MAGI1: variants seen among roughly 807,000 people sequenced by gnomAD.
The protein encoded by MAGI1 is membrane associated guanylate kinase, WW and PDZ domain containing 1.
MAGI1 carries 58 observed loss-of-function variants against 139.9 expected under a neutral mutation model. The ratio of observed to expected loss-of-function variants is 0.41; its 90% CI spans 0.34 to 0.52. The LOEUF (loss-of-function observed/expected upper bound fraction) is 0.52, where lower values mean the gene tolerates loss of function less well. MAGI1 is among the 20% of genes least tolerant of loss of function. The pLI is 0.12. For synonymous variants in MAGI1, 812 were observed against 737.9 expected (o/e 1.10, Z -1.63); for missense variants, 1,874 against 1,901.6 (o/e 0.99, Z 0.27).
rs116829738 is a variant in MAGI1, at chr3:65,894,440, G to T, written c.313+143556C>A. Among the ~76,000 whole-genome samples the T allele has an allele frequency of 5.4e-3, 818 of 152,198 alleles. 8 individuals are homozygous for T. Among genetic ancestry groups the T allele is most frequent in the African/African-American group, 0.014 (571 of 41,536 alleles). On this transcript the variant is annotated intron_variant, in intron 1 of 22. Transcript: ENST00000402939. The stretch of plus-strand genomic sequence containing the variant: ...CATCTTTTAAAAATAATAATAAAGT[G>T]AACCATTCCACCAAAAATATGCTAA...
At chr3:65,936,607 C>G (rs1445155320) in intron 1 of MAGI1, among the ~76,000 whole-genome samples, 1 of 151,064 alleles carries the variant, frequency 6.6e-6, no homozygotes, top group African/African-American at 2.4e-5. Context: ...AAAAAAAAAT[C>G]TTATGTAGAT....
At chr3:65,478,179 T>A (rs934186551) in intron 4 of MAGI1, among the ~76,000 whole-genome samples, 45 of 152,038 alleles carry the variant, frequency 3.0e-4, no homozygotes, top group Non-Finnish European at 7.3e-5. Flanking sequence ...CAACTGACAT[T>A]AAACTGATAA....
intron 2 of MAGI1, among the ~76,000 whole-genome samples, chr3:65,573,438 T>C (rs2081045180): frequency 6.6e-6 from 1 of 152,004 alleles, no homozygotes; most frequent in Admixed American, 6.6e-5. Flanking sequence ...TTTATCACAC[T>C]AATAAATTAT....
intron 1 of MAGI1, among the ~76,000 whole-genome samples, chr3:65,819,111 C>T (rs1363152946): frequency 2.6e-5 from 4 of 151,958 alleles, no homozygotes; most frequent in Non-Finnish European, 5.9e-5. Context: ...ATGGTGAAAC[C>T]CCATCTCTAT....
chr3:65,655,295 T>C (rs17073283), intron 1 of MAGI1, among the ~76,000 whole-genome samples: 2,664 of 152,056 alleles, frequency 0.018, 78 homozygotes, highest in African/African-American at 0.061. Context: ...TGTAAACCCA[T>C]AAAGGCTCAA....
At chr3:65,395,284 T>C (rs9817091) in intron 13 of MAGI1, among the ~76,000 whole-genome samples, 3 of 151,968 alleles carry the variant, frequency 2.0e-5, no homozygotes, top group Admixed American at 1.3e-4. Flanking sequence ...AATCTATTGA[T>C]AGCAACACAC....
rs115461927 is a variant in MAGI1 at position 65,835,140 on chromosome 3, T to C, written c.313+202856A>G. On this transcript the variant is annotated intron_variant, in intron 1 of 22. Transcript: ENST00000402939. Reference sequence around the variant, plus strand: ...TATTCTATTTTTTGTTTTCTGTTTCTTCTCTGTTTCTCTTTTCTCCAATTT... The same window carrying C: ...TATTCTATTTTTTGTTTTCTGTTTCCTCTCTGTTTCTCTTTTCTCCAATTT... Among the ~76,000 whole-genome samples, 457 of 152,324 alleles carry C rather than the reference T, an allele frequency of 3.0e-3. 3 individuals carry two copies. Among genetic ancestry groups the C allele is most frequent in the African/African-American group, 0.01 (434 of 41,582 alleles).
chr3:65,957,778 T>C (rs892410877), intron 1 of MAGI1, among the ~76,000 whole-genome samples: 1 of 152,072 alleles, frequency 6.6e-6, no homozygotes, highest in African/African-American at 2.4e-5. Context: ...GTTGTTTTGT[T>C]TTGTTTTGGG....
chr3:65,898,865 G>T (rs904992732), intron 1 of MAGI1, among the ~76,000 whole-genome samples: 3 of 152,072 alleles, frequency 2.0e-5, no homozygotes, highest in Non-Finnish European at 4.4e-5. Context: ...CCATGAATAT[G>T]TACAATTATT....
chr3:65,399,162 G>T (rs1944652289), intron 13 of MAGI1, among the ~76,000 whole-genome samples: 1 of 152,134 alleles, frequency 6.6e-6, no homozygotes, highest in Non-Finnish European at 1.5e-5. Context: ...AAATCTAAGT[G>T]AGTCACAACC....
At chr3:65,698,578 T>C (rs1240125253) in intron 1 of MAGI1, among the ~76,000 whole-genome samples, 1 of 152,084 alleles carries the variant, frequency 6.6e-6, no homozygotes, top group Non-Finnish European at 1.5e-5. Context: ...GCTGCATATC[T>C]ACAACTATCT....
At chr3:65,681,022 C>A (rs2087557475) in intron 1 of MAGI1, among the ~76,000 whole-genome samples, 1 of 152,132 alleles carries the variant, frequency 6.6e-6, no homozygotes, top group Non-Finnish European at 1.5e-5. Flanking sequence ...TCCATAGGTC[C>A]ACAGATCCAG....
chr3:65,691,346 C>A (rs967425853), intron 1 of MAGI1, among the ~76,000 whole-genome samples: 14 of 147,498 alleles, frequency 9.5e-5, no homozygotes, highest in Non-Finnish European at 1.5e-4. Context: ...GGTTTCAGAG[C>A]AAATGTATGT....
intron 1 of MAGI1, among the ~76,000 whole-genome samples, chr3:65,989,091 C>T (rs1200438372): frequency 6.6e-6 from 1 of 152,172 alleles, no homozygotes. Context: ...TTTATACCAA[C>T]GCTCCATCAC....
intron 1 of MAGI1, among the ~76,000 whole-genome samples, chr3:65,941,613 A>G (rs1403309668): frequency 1.2e-5 from 1 of 85,686 alleles, no homozygotes; most frequent in Admixed American, 1.4e-4. Context: ...CCCCACCCCC[A>G]CCTCCCCTTA....
rs577046770 is a variant in MAGI1, at chr3:65,406,666, G to T, written c.2168-5196C>A. Among the ~76,000 whole-genome samples, 141 of 146,592 alleles carry T rather than the reference G, an allele frequency of 9.6e-4. 1 individual carries two copies. Among genetic ancestry groups the T allele is most frequent in the Middle Eastern group, 3.5e-3 (1 of 288 alleles). Reference sequence around the variant, plus strand: ...AACACATGGGATACCTTACAGTTTCGCAAGGCAAATGTTGCAATAAAAACT... The same window carrying T: ...AACACATGGGATACCTTACAGTTTCTCAAGGCAAATGTTGCAATAAAAACT... On this transcript the variant is annotated intron_variant, in intron 12 of 22. Coordinates refer to ENST00000402939, the MANE Select transcript of MAGI1 (RefSeq NM_001033057.2).
intron 1 of MAGI1, among the ~76,000 whole-genome samples, chr3:65,642,138 G>C (rs76515381): frequency 0.079 from 11,937 of 151,954 alleles, 677 homozygotes; most frequent in Non-Finnish European, 0.12. Flanking sequence ...CAAATAGAAG[G>C]CTCCCCAAAA....
At chr3:65,496,446 C>T (rs1952460622) in intron 2 of MAGI1, among the ~76,000 whole-genome samples, 1 of 152,066 alleles carries the variant, frequency 6.6e-6, no homozygotes, top group African/African-American at 2.4e-5. Flanking sequence ...TGGGTGGTTA[C>T]CATAGTGTCC....
intron 12 of MAGI1, among the ~76,000 whole-genome samples, chr3:65,418,104 A>C (rs1268615557): frequency 6.6e-5 from 10 of 152,178 alleles, no homozygotes. Flanking sequence ...CCCGCAACAG[A>C]TAACTGTCTG....
Sources: allele counts gnomAD v4.1 joint callset (sites outside exome capture counted in the v4.1 genomes callset), GRCh38; gene constraint gnomAD v4.1.1; transcripts MANE v1.5; gene names NCBI Gene and HGNC (gene_info 2026-07-23, HGNC 2026-07-21).